WWC2: variants seen among roughly 807,000 people sequenced by gnomAD.
The protein encoded by WWC2 is protein WWC2.
A neutral mutation model predicts 138.5 loss-of-function variants in WWC2; 101 were observed. That is an observed-to-expected ratio of 0.73 (90% CI 0.62 to 0.86). The LOEUF (loss-of-function observed/expected upper bound fraction) is 0.86, where lower values mean the gene tolerates loss of function less well. WWC2 is among the 40% of genes least tolerant of loss of function. The pLI is 0.00. For missense variants in WWC2, 1,420 were observed against 1,419.4 expected, an observed-to-expected ratio of 1.00 and a Z score of -0.01; for synonymous variants, 558 against 538.4, an observed-to-expected ratio of 1.04 and a Z score of -0.50.
intron 9 of WWC2, among the ~76,000 whole-genome samples, chr4:183,258,938 C>T (rs1320486681): frequency 6.6e-6 from 1 of 151,710 alleles, no homozygotes; most frequent in Non-Finnish European, 1.5e-5. Context: ...ACTTACTATT[C>T]AAGTATACAG....
intron 21 of WWC2, among the ~76,000 whole-genome samples, chr4:183,297,410 CTTT>C (rs35089821): frequency 2.1e-5 from 3 of 140,760 alleles, no homozygotes; most frequent in Admixed American, 7.1e-5. Flanking sequence ...GAGATAAACA[CTTT>C]TTTTTTTTTT....
chr4:183,107,262 A>T (rs895378125), intron 1 of WWC2, among the ~76,000 whole-genome samples: 1 of 151,972 alleles, frequency 6.6e-6, no homozygotes, highest in South Asian at 2.1e-4. Context: ...CCAGGGTTCA[A>T]CAGATCCTCC....
At chr4:183,180,038 A>G (rs191627599) in intron 1 of WWC2, among the ~76,000 whole-genome samples, 122 of 152,290 alleles carry the variant, frequency 8.0e-4, no homozygotes, top group Non-Finnish European at 1.5e-3. Context: ...CCCCAAGAAG[A>G]TGATGTTTGA....
intron 21 of WWC2, 124 bp downstream of exon 21, chr4:183,289,759 T>G: frequency 2.8e-6 from 4 of 1,429,652 alleles, no homozygotes; most frequent in Non-Finnish European, 3.7e-6. Context: ...TACTACAGCT[T>G]GGAACATATT....
intron 1 of WWC2, among the ~76,000 whole-genome samples, chr4:183,159,773 T>C (rs945131644): frequency 2.6e-5 from 4 of 151,724 alleles, no homozygotes; most frequent in African/African-American, 9.7e-5. Context: ...TGTGGAGTAA[T>C]GTATTTCAAA....
At chr4:183,107,838 C>T (rs941178445) in intron 1 of WWC2, among the ~76,000 whole-genome samples, 1 of 151,702 alleles carries the variant, frequency 6.6e-6, no homozygotes, top group African/African-American at 2.4e-5. Context: ...TTGGTCCCAG[C>T]TCAGCTTGCC....
chr4:183,129,035 A>T (rs984702984), intron 1 of WWC2, among the ~76,000 whole-genome samples: 2 of 152,236 alleles, frequency 1.3e-5, no homozygotes, highest in Admixed American at 6.5e-5. Context: ...TTGGCTCAAC[A>T]TAAGCAAAGA....
At chr4:183,309,166 T>C (rs910999909) in intron 21 of WWC2, among the ~76,000 whole-genome samples, 8 of 152,164 alleles carry the variant, frequency 5.3e-5, no homozygotes, top group African/African-American at 1.7e-4. Flanking sequence ...CTAGATGACC[T>C]TGGGTATGGC....
chr4:183,268,953 T>A lies in WWC2; in HGVS notation c.2208-18T>A. ...ATTAAAGTACCTATGAAATCCATTT[T>A]ATTCTTGTTCTTTGCAGATATTTTA... On this transcript the variant is annotated intron_variant, in intron 14 of 22. Transcript: ENST00000403733. The A allele has an allele frequency of 6.3e-7, 1 of 1,598,530 alleles. No individual in the cohort carries two copies. The highest frequency in any genetic ancestry group is 2.2e-5 in the East Asian group (1 of 44,758).
At chr4:183,191,522 G>C (rs1301844127) in intron 1 of WWC2, among the ~76,000 whole-genome samples, 2 of 152,082 alleles carry the variant, frequency 1.3e-5, no homozygotes, top group African/African-American at 4.8e-5. Context: ...CTTGCTCTAG[G>C]TTGTATAGTG....
chr4:183,237,973 C>CT (rs1736482819), intron 4 of WWC2, among the ~76,000 whole-genome samples: 1 of 152,124 alleles, frequency 6.6e-6, no homozygotes, highest in Non-Finnish European at 1.5e-5. Context: ...CTCGAACACT[C>CT]TTCTCTTTTC....
chr4:183,156,738 A>ATT (rs1435061349), intron 1 of WWC2, among the ~76,000 whole-genome samples: 4 of 152,192 alleles, frequency 2.6e-5, no homozygotes, highest in Admixed American at 2.6e-4. Flanking sequence ...GCTAAGTACA[A>ATT]TTTATCTTTT....
intron 19 of WWC2, 52 bp from the exon 20 acceptor site, chr4:183,285,915 T>C: frequency 6.6e-7 from 1 of 1,503,946 alleles, no homozygotes; most frequent in African/African-American, 1.4e-5. Flanking sequence ...AAACTTCCAC[T>C]TGCACTCTGT....
At chr4:183,277,376 A>G (rs1203135598) in intron 16 of WWC2, among the ~76,000 whole-genome samples, 14 of 151,258 alleles carry the variant, frequency 9.3e-5, no homozygotes, top group South Asian at 2.1e-4. Flanking sequence ...AATCCAGTCT[A>G]TCATTTTTGG....
At position 183,319,930 on chromosome 4, in the gene WWC2, C is replaced by A. The variant is rs760880715; in HGVS notation, c.*4201C>A. 6 of 1,613,422 alleles carry A rather than the reference C, an allele frequency of 3.7e-6. No homozygotes were observed. Among genetic ancestry groups the A allele is most frequent in the South Asian group, 3.3e-5 (3 of 91,032 alleles). On this transcript the variant is annotated 3_prime_UTR_variant, in exon 23 of 23. Transcript: ENST00000403733. ...AAACAGTCCAGGCCAAACCCAGAGA[C>A]CAGCAGGCCCAGAAATCCCAGCCCA... is the stretch of plus-strand genomic sequence containing the variant.
chr4:183,306,080 A>G, intron 21 of WWC2, among the ~76,000 whole-genome samples: 1 of 152,226 alleles, frequency 6.6e-6, no homozygotes, highest in South Asian at 2.1e-4. Context: ...TGGATAGTAT[A>G]ATACAAACTC....
chr4:183,254,446 C>G (rs115330831), intron 9 of WWC2, among the ~76,000 whole-genome samples: 1 of 152,192 alleles, frequency 6.6e-6, no homozygotes, highest in Non-Finnish European at 1.5e-5. Context: ...CAGGTCACAA[C>G]GTACTCACTT....
intron 21 of WWC2, among the ~76,000 whole-genome samples, chr4:183,297,177 T>G (rs2111092328): frequency 6.6e-6 from 1 of 152,074 alleles, no homozygotes; most frequent in African/African-American, 2.4e-5. Context: ...TTCACTGTAT[T>G]GCCCAGGCTG....
At chr4:183,127,797 A>G (rs1027695633) in intron 1 of WWC2, among the ~76,000 whole-genome samples, 9 of 152,170 alleles carry the variant, frequency 5.9e-5, no homozygotes, top group Non-Finnish European at 1.3e-4. Flanking sequence ...AATCCATAAA[A>G]TCTAAATTGA....
Sources: allele counts gnomAD v4.1 joint callset (sites outside exome capture counted in the v4.1 genomes callset), GRCh38; gene constraint gnomAD v4.1.1; transcripts MANE v1.5; gene names NCBI Gene and HGNC (gene_info 2026-07-23, HGNC 2026-07-21).